ANKS1B: variants seen among roughly 807,000 people sequenced by gnomAD.
The protein encoded by ANKS1B is ankyrin repeat and sterile alpha motif domain-containing protein 1B.
ANKS1B carries 36 observed loss-of-function variants against 148.3 expected under a neutral mutation model. The observed-to-expected ratio is 0.24, with a 90% CI of 0.19 to 0.32. The LOEUF is 0.32. Ranked by LOEUF, ANKS1B falls within the 10% of genes least tolerant of loss-of-function variation. The pLI, the probability that ANKS1B is intolerant of heterozygous loss-of-function variation, is 1.00. For synonymous variants in ANKS1B, 542 were observed against 560.8 expected, an observed-to-expected ratio of 0.97 and a Z score of 0.47; for missense variants, 1,157 against 1,542.6, an observed-to-expected ratio of 0.75 and a Z score of 4.19.
chr12:99,745,158 C>G (rs1272503878), intron 8 of ANKS1B, among the ~76,000 whole-genome samples: 1 of 146,172 alleles, frequency 6.8e-6, no homozygotes, highest in Admixed American at 7.1e-5. Flanking sequence ...AATAGCTATT[C>G]TAATATCTAA....
chr12:99,304,008 C>T (rs189634610), intron 12 of ANKS1B, among the ~76,000 whole-genome samples: 4 of 152,174 alleles, frequency 2.6e-5, no homozygotes, highest in Admixed American at 6.5e-5. Flanking sequence ...TTTATCCACT[C>T]ATTGGCTGAT....
At chr12:99,389,792 TAAAA>T (rs34302084) in intron 12 of ANKS1B, among the ~76,000 whole-genome samples, 1,641 of 151,272 alleles carry the variant, frequency 0.011, 29 homozygotes, top group African/African-American at 0.037. Context: ...AAAATTGATT[TAAAA>T]AAAAACAGAT....
intron 14 of ANKS1B, among the ~76,000 whole-genome samples, chr12:99,218,432 G>A (rs1417309117): frequency 1.3e-5 from 2 of 152,106 alleles, no homozygotes; most frequent in Non-Finnish European, 2.9e-5. Context: ...TAGTATTCAG[G>A]TCCTGAAGCC....
intron 10 of ANKS1B, among the ~76,000 whole-genome samples, chr12:99,498,948 G>T (rs1224445663): frequency 6.6e-6 from 1 of 152,176 alleles, no homozygotes; most frequent in Non-Finnish European, 1.5e-5. Flanking sequence ...AGTCACAAGG[G>T]ACTAGTCATA....
chr12:99,929,334 T>A (rs1469007952), intron 1 of ANKS1B, among the ~76,000 whole-genome samples: 1 of 152,220 alleles, frequency 6.6e-6, no homozygotes, highest in East Asian at 1.9e-4. Flanking sequence ...GCCCACTTGT[T>A]GATGGGGTGG....
intron 17 of ANKS1B, among the ~76,000 whole-genome samples, chr12:98,852,627 TG>T (rs2099536189): frequency 6.6e-6 from 1 of 152,126 alleles, no homozygotes; most frequent in Non-Finnish European, 1.5e-5. Context: ...CCACGGACTA[TG>T]AGTTTGATAT....
At chr12:99,509,966 A>G (rs1231452766) in intron 9 of ANKS1B, among the ~76,000 whole-genome samples, 1 of 152,030 alleles carries the variant, frequency 6.6e-6, no homozygotes, top group African/African-American at 2.4e-5. Context: ...ATGATGCTAA[A>G]TCAACTTTTC....
At chr12:99,353,007 C>T (rs2091593238) in intron 12 of ANKS1B, among the ~76,000 whole-genome samples, 1 of 151,874 alleles carries the variant, frequency 6.6e-6, no homozygotes, top group Non-Finnish European at 1.5e-5. Flanking sequence ...GACTCTTCAC[C>T]CCTAAACAGG....
At chr12:99,180,025 C>T (rs2078931592) in intron 14 of ANKS1B, among the ~76,000 whole-genome samples, 4 of 152,126 alleles carry the variant, frequency 2.6e-5, no homozygotes. Context: ...TTATTCATTA[C>T]CTGCCTCATG....
intron 15 of ANKS1B, among the ~76,000 whole-genome samples, chr12:99,142,242 T>C (rs559464762): frequency 1.3e-5 from 2 of 151,764 alleles, no homozygotes; most frequent in South Asian, 4.2e-4. Context: ...GTGGTCAGAA[T>C]CAAAGGCCAG....
intron 19 of ANKS1B, among the ~76,000 whole-genome samples, chr12:98,821,308 A>C (rs1020061270): frequency 5.9e-5 from 9 of 152,236 alleles, no homozygotes; most frequent in African/African-American, 2.2e-4. Flanking sequence ...CCAAAGTCAG[A>C]GTGGATTTAT....
chr12:99,473,665 A>C (rs1225771361), intron 10 of ANKS1B, among the ~76,000 whole-genome samples: 1 of 152,026 alleles, frequency 6.6e-6, no homozygotes, highest in African/African-American at 2.4e-5. Flanking sequence ...TTGGGGCCTT[A>C]ATTTAAATGT....
chr12:98,966,609 T>C (rs951889799), intron 17 of ANKS1B, among the ~76,000 whole-genome samples: 1 of 152,178 alleles, frequency 6.6e-6, no homozygotes, highest in African/African-American at 2.4e-5. Flanking sequence ...CATATGTGTA[T>C]TGTGGCACTA....
At chr12:99,330,814 A>T (rs1303644800) in intron 12 of ANKS1B, among the ~76,000 whole-genome samples, 2 of 151,988 alleles carry the variant, frequency 1.3e-5, no homozygotes, top group Admixed American at 1.3e-4. Context: ...GCTAGCTTAT[A>T]ACTAACAGAA....
At chr12:98,797,243 T>C (rs926155437) in intron 22 of ANKS1B, among the ~76,000 whole-genome samples, 6 of 152,186 alleles carry the variant, frequency 3.9e-5, no homozygotes, top group Non-Finnish European at 7.4e-5. Flanking sequence ...TCTCATTTTA[T>C]ATGTAAGAAA....
intron 16 of ANKS1B, among the ~76,000 whole-genome samples, chr12:99,082,821 T>C (rs1487776251): frequency 6.6e-6 from 1 of 152,160 alleles, no homozygotes; most frequent in African/African-American, 2.4e-5. Context: ...TTTAAATGAA[T>C]GGCAGCATGT....
chr12:98,882,020 T>C (rs77730536), intron 17 of ANKS1B, among the ~76,000 whole-genome samples: 2,046 of 152,220 alleles, frequency 0.013, 41 homozygotes, highest in African/African-American at 0.046. Flanking sequence ...TTTCTTACTA[T>C]GGAAATTCAC....
intron 9 of ANKS1B, among the ~76,000 whole-genome samples, chr12:99,505,615 T>C (rs909476407): frequency 6.7e-6 from 1 of 148,298 alleles, no homozygotes; most frequent in African/African-American, 2.4e-5. Context: ...GTAGAATATA[T>C]ATAGCATATT....
At chr12:99,760,027 T>G (rs1208098188) in intron 8 of ANKS1B, among the ~76,000 whole-genome samples, 1 of 151,908 alleles carries the variant, frequency 6.6e-6, no homozygotes, top group Non-Finnish European at 1.5e-5. Context: ...ACAAATGTCA[T>G]AAAGTTCAAA....
Sources: gnomAD v4.1 joint callset for allele counts (sites outside exome capture counted in the v4.1 genomes callset) on GRCh38, gnomAD v4.1.1 for gene constraint, MANE v1.5 for transcripts, NCBI Gene and HGNC (gene_info 2026-07-23, HGNC 2026-07-21) for gene names.